The following SMYD3 variants were observed in gnomAD, a reference collection of about 807,000 sequenced individuals.
SMYD3 encodes the protein histone-lysine N-methyltransferase SMYD3.
A neutral mutation model predicts 57.7 loss-of-function variants in SMYD3; 36 were observed. That is an observed-to-expected ratio of 0.62 (90% confidence interval 0.48 to 0.82). The LOEUF is 0.82. SMYD3 is among the 40% of genes least tolerant of loss of function. SMYD3 has a pLI of 0.00. For missense variants in SMYD3, 515 were observed against 538.8 expected (o/e 0.96, Z 0.44); for synonymous variants, 211 against 195.0 (o/e 1.08, Z -0.68).
intron 5 of SMYD3, among the ~76,000 whole-genome samples, chr1:246,234,061 A>G (rs1412141012): frequency 1.4e-5 from 2 of 141,246 alleles, no homozygotes; most frequent in Non-Finnish European, 1.5e-5. Context: ...TACCACACAG[A>G]GGAGAAGCAC....
At chr1:246,130,544 C>A (rs1253643597) in intron 5 of SMYD3, among the ~76,000 whole-genome samples, 1 of 151,956 alleles carries the variant, frequency 6.6e-6, no homozygotes, top group Non-Finnish European at 1.5e-5. Context: ...AAGCTAGAAA[C>A]CTTAAGTAAA....
chr1:246,177,017 C>T (rs1191673231), intron 5 of SMYD3, among the ~76,000 whole-genome samples: 1 of 152,162 alleles, frequency 6.6e-6, no homozygotes, highest in African/African-American at 2.4e-5. Flanking sequence ...TGTTTTTAGG[C>T]CTGCTGTTTG....
rs544298383 is a variant in SMYD3, at chr1:246,327,148, A to G, written c.531+53T>C. On this transcript the variant is annotated intron_variant, in intron 5 of 11. Coordinates refer to ENST00000490107, the MANE Select transcript of SMYD3 (RefSeq NM_001167740.2). ...ACATTTTTGTAACTAACAACAAAAT[A>G]AGGAGCAAATGGTTGATGTATGGAA... is the stretch of plus-strand genomic sequence containing the variant. 22 of 1,606,960 alleles carry G rather than the reference A, an allele frequency of 1.4e-5. No individual in the cohort carries two copies. The East Asian group carries it at 4.5e-4, about 33-fold the overall frequency.
chr1:246,238,810 G>C (rs1391446100), intron 5 of SMYD3, among the ~76,000 whole-genome samples: 1 of 151,400 alleles, frequency 6.6e-6, no homozygotes, highest in Non-Finnish European at 1.5e-5. Flanking sequence ...GCATATTTGA[G>C]TATCTTTCTA....
chr1:245,873,361 G>A (rs2052321768), intron 8 of SMYD3, among the ~76,000 whole-genome samples: 1 of 152,146 alleles, frequency 6.6e-6, no homozygotes. Flanking sequence ...GATGGCTTAG[G>A]CTGCTGTAAG....
intron 5 of SMYD3, among the ~76,000 whole-genome samples, chr1:245,969,345 T>C (rs931097045): frequency 1.1e-4 from 17 of 152,230 alleles, no homozygotes; most frequent in Non-Finnish European, 2.4e-4. Flanking sequence ...ACATGGACAC[T>C]GTTCTGCCAG....
chr1:245,918,983 T>C (rs1277062643), intron 7 of SMYD3, among the ~76,000 whole-genome samples: 1 of 152,036 alleles, frequency 6.6e-6, no homozygotes, highest in African/African-American at 2.4e-5. Context: ...AACTCATGAG[T>C]GATCTTGTCA....
At chr1:246,404,370 G>C (rs544119380) in intron 1 of SMYD3, among the ~76,000 whole-genome samples, 1 of 152,320 alleles carries the variant, frequency 6.6e-6, no homozygotes, top group African/African-American at 2.4e-5. Context: ...CAGTTCAGCT[G>C]AACCCAGGAT....
intron 1 of SMYD3, among the ~76,000 whole-genome samples, chr1:246,485,077 C>T (rs111265881): frequency 7.3e-6 from 1 of 137,634 alleles, no homozygotes; most frequent in Non-Finnish European, 1.5e-5. Flanking sequence ...ACTAGTTACA[C>T]CTGAAAACAC....
At chr1:246,376,741 C>A (rs2148740552) in intron 1 of SMYD3, among the ~76,000 whole-genome samples, 1 of 152,140 alleles carries the variant, frequency 6.6e-6, no homozygotes, top group Admixed American at 6.6e-5. Context: ...CTTAAAGAGG[C>A]TTTACTTAGG....
intron 8 of SMYD3, among the ~76,000 whole-genome samples, chr1:245,891,210 G>T (rs1318623062): frequency 1.3e-5 from 2 of 152,286 alleles, no homozygotes; most frequent in South Asian, 2.1e-4. Flanking sequence ...AAAAATTACT[G>T]AAGAAATATA....
intron 1 of SMYD3, among the ~76,000 whole-genome samples, chr1:246,411,231 T>C (rs1194852409): frequency 2.0e-5 from 3 of 152,266 alleles, no homozygotes; most frequent in African/African-American, 7.2e-5. Flanking sequence ...AAAATGCTCA[T>C]CATCACTGGC....
intron 1 of SMYD3, among the ~76,000 whole-genome samples, chr1:246,498,529 C>A (rs111532087): frequency 6.6e-6 from 1 of 151,930 alleles, no homozygotes; most frequent in Non-Finnish European, 1.5e-5. Context: ...GTCAGGAGAT[C>A]GAGACCATCC....
chr1:246,200,576 G>T (rs2062905223), intron 5 of SMYD3, among the ~76,000 whole-genome samples: 1 of 125,394 alleles, frequency 8.0e-6, no homozygotes, highest in Non-Finnish European at 1.5e-5. Context: ...GAACAGCGTA[G>T]ACGCTGAGGT....
chr1:246,399,314 T>TTGC (rs1399494952), intron 1 of SMYD3, among the ~76,000 whole-genome samples: 1 of 151,800 alleles, frequency 6.6e-6, no homozygotes, highest in Non-Finnish European at 1.5e-5. Context: ...GTGAGCCACC[T>TTGC]TGCCCAGCCC....
chr1:246,205,852 A>G (rs2062992220), intron 5 of SMYD3, among the ~76,000 whole-genome samples: 2 of 151,994 alleles, frequency 1.3e-5, no homozygotes, highest in South Asian at 4.2e-4. Context: ...ACAAGAGCAA[A>G]CTTCCCAGTT....
At chr1:245,765,223 TAAAA>T (rs61147984) in intron 10 of SMYD3, among the ~76,000 whole-genome samples, 1 of 113,522 alleles carries the variant, frequency 8.8e-6, no homozygotes, top group African/African-American at 4.0e-5. Context: ...CTTTCTCTAT[TAAAA>T]AAAAAAAAAA....
chr1:246,483,997 T>C (rs2068149544), intron 1 of SMYD3, among the ~76,000 whole-genome samples: 1 of 150,394 alleles, frequency 6.6e-6, no homozygotes, highest in Non-Finnish European at 1.5e-5. Flanking sequence ...TAAAAACACA[T>C]CACTTCAACC....
At position 245,930,292 on chromosome 1, in the gene SMYD3, C is replaced by T. The variant is rs1572719231; in HGVS notation, c.532-355G>A. 8.1e-6 allele frequency: 3 copies of T among 369,748 alleles called. No individual in the cohort carries two copies. In the East Asian group the frequency reaches 2.1e-4, roughly 26 times the overall value. The allele number at this position is 369,748 out of a possible 1,614,324, so 22.9% of individuals were successfully genotyped here. A position where few individuals can be genotyped will look rare whatever the true frequency, so the allele number is the denominator to read the frequency against. Reference sequence around the variant, plus strand: ...ATATGAATAAGCTATTTATTGAAAACTAGACTCCTGCTGTATCACGATTTT... The same window carrying T: ...ATATGAATAAGCTATTTATTGAAAATTAGACTCCTGCTGTATCACGATTTT... On this transcript the variant is annotated intron_variant, in intron 5 of 11. Coordinates refer to ENST00000490107, the MANE Select transcript of SMYD3 (RefSeq NM_001167740.2).
Sources: gnomAD v4.1 joint callset for allele counts (sites outside exome capture counted in the v4.1 genomes callset) on GRCh38, gnomAD v4.1.1 for gene constraint, MANE v1.5 for transcripts, NCBI Gene and HGNC (gene_info 2026-07-23, HGNC 2026-07-21) for gene names.